LY75: variants seen among roughly 807,000 people sequenced by gnomAD.
The protein encoded by LY75 is lymphocyte antigen 75, also known as C-type lectin domain family 13 member B.
Under a neutral mutation model 231.7 loss-of-function variants are expected in LY75, and 185 were observed. The ratio of observed to expected loss-of-function variants is 0.80; its 90% CI spans 0.71 to 0.90. The LOEUF (loss-of-function observed/expected upper bound fraction) is 0.90, where lower values mean the gene tolerates loss of function less well. Ranked by LOEUF, LY75 falls within the 40% of genes least tolerant of loss-of-function variation. The pLI, the probability that LY75 is intolerant of heterozygous loss-of-function variation, is 0.00. For missense variants in LY75, 1,947 were observed against 2,050.2 expected (o/e 0.95, Z 0.97); for synonymous variants, 668 against 689.0 (o/e 0.97, Z 0.48).
Position 159,815,539 on chromosome 2 carries a change from C to T in LY75, c.4415G>A (p.Ser1472Asn). ...TTTCCATGGGATATAGTCAAATGTACTACCATCAGACCATTCAAAACTTGA... is the reference window on the plus strand; with the variant it reads ...TTTCCATGGGATATAGTCAAATGTATTACCATCAGACCATTCAAAACTTGA... ...SESSFEWSDG[S>N]TFDYIPWKGQ... Residue 1472 changes from serine to asparagine, a missense_variant, in exon 31 of 35, where the codon AGT becomes AAT. Physicochemically the swap from Ser to Asn is conservative, Grantham distance 46 (BLOSUM62 1). Coordinates refer to ENST00000263636, the MANE Select transcript of LY75 (RefSeq NM_002349.4). 1 of 1,613,716 alleles carries T rather than the reference C, an allele frequency of 6.2e-7. No individual in the cohort carries two copies. Among genetic ancestry groups the T allele is most frequent in the Non-Finnish European group, 8.5e-7 (1 of 1,179,910 alleles).
Position 159,835,524 on chromosome 2 carries a change from T to A in LY75, c.3629A>T (p.Asp1210Val), listed in dbSNP as rs189810156. The A allele has an allele frequency of 3.7e-5, 59 of 1,612,392 alleles. No individual in the cohort carries two copies. Among genetic ancestry groups the A allele is most frequent in the Non-Finnish European group, 4.7e-5 (55 of 1,179,412 alleles). The change falls in exon 26 of 35, where the codon GAT becomes GTT. Residue 1210 changes from aspartate to valine, a missense_variant. Coordinates refer to ENST00000263636, the MANE Select transcript of LY75 (RefSeq NM_002349.4). ...AGCACCTGGTTGATTGTCATTGCAA[T>A]CAACTGTTTTCCAGAATCCATCAGT... ...LDTDGFWKTV[D>V]CNDNQPGAIC...
chr2:159,842,861 T>C lies in LY75; in HGVS notation c.3151-487A>G, dbSNP rs530609153. 1.4e-3 allele frequency among the ~76,000 whole-genome samples: 209 copies of C among 152,158 alleles called. 5 individuals are homozygous for C. The highest frequency in any genetic ancestry group is 0.01 in the Middle Eastern group (3 of 290). ...AATCAATAATATTAGATATGAAAAT[T>C]TATTCCAAGTATATTATCCCTATCA... On this transcript the variant is annotated intron_variant, in intron 23 of 34. Coordinates refer to ENST00000263636, the MANE Select transcript of LY75 (RefSeq NM_002349.4).
At chr2:159,891,637 C>A (rs534765195) in intron 3 of LY75, among the ~76,000 whole-genome samples, 1 of 152,106 alleles carries the variant, frequency 6.6e-6, no homozygotes, top group East Asian at 1.9e-4. Flanking sequence ...TGTCACACCC[C>A]CAAAGCCCCA....
intron 23 of LY75, among the ~76,000 whole-genome samples, chr2:159,844,970 A>G (rs1349604675): frequency 6.6e-6 from 1 of 152,090 alleles, no homozygotes; most frequent in Non-Finnish European, 1.5e-5. Context: ...CTTGTACGTT[A>G]GAACATGCAG....
chr2:159,876,756 A>C (rs1328270149), intron 11 of LY75, among the ~76,000 whole-genome samples: 1 of 152,116 alleles, frequency 6.6e-6, no homozygotes, highest in Non-Finnish European at 1.5e-5. Context: ...CTGTAATCCC[A>C]GCACTTTCGG....
At chr2:159,811,786 G>T (rs560312816) in intron 31 of LY75, among the ~76,000 whole-genome samples, 131 of 152,128 alleles carry the variant, frequency 8.6e-4, no homozygotes, top group Non-Finnish European at 3.4e-4. Context: ...TTATTTGATT[G>T]GCTTTTGCCT....
At chr2:159,815,381 C>G in intron 31 of LY75, 24 bp downstream of exon 31, 1 of 1,571,338 alleles carries the variant, frequency 6.4e-7, no homozygotes, top group Non-Finnish European at 8.6e-7. Flanking sequence ...CATAAATGTA[C>G]TGTTACTGAA....
At chr2:159,889,539 A>T (rs1685691593) in intron 4 of LY75, among the ~76,000 whole-genome samples, 4 of 152,126 alleles carry the variant, frequency 2.6e-5, no homozygotes, top group Admixed American at 1.3e-4. Context: ...ATTCCTCTTT[A>T]ATGAATCTAT....
intron 28 of LY75, among the ~76,000 whole-genome samples, chr2:159,830,241 G>A (rs1267553829): frequency 1.3e-5 from 2 of 152,156 alleles, no homozygotes; most frequent in African/African-American, 4.8e-5. Context: ...CAAAGGAGAA[G>A]CCTATTTTTA....
chr2:159,832,121 C>A (rs1035261908), intron 27 of LY75, among the ~76,000 whole-genome samples: 4 of 152,064 alleles, frequency 2.6e-5, no homozygotes, highest in Admixed American at 6.5e-5. Context: ...GATATACTGT[C>A]AAAGATTACG....
chr2:159,874,548 C>T (rs369199030), intron 12 of LY75, among the ~76,000 whole-genome samples: 2,445 of 13,740 alleles, frequency 0.18, 709 homozygotes, highest in Middle Eastern at 0.58. Flanking sequence ...TAAATATGTA[C>T]ATATTTTGTA....
chr2:159,849,522 C>T (rs1297065542), intron 23 of LY75, among the ~76,000 whole-genome samples: 1 of 152,152 alleles, frequency 6.6e-6, no homozygotes, highest in Non-Finnish European at 1.5e-5. Flanking sequence ...ATTTACAACT[C>T]ACTACATGAT....
intron 28 of LY75, among the ~76,000 whole-genome samples, chr2:159,827,044 C>T (rs950900685): frequency 6.6e-6 from 1 of 152,276 alleles, no homozygotes; most frequent in Non-Finnish European, 1.5e-5. Flanking sequence ...AGGACATAGG[C>T]ATGGGCAAAG....
intron 20 of LY75, 82 bp from the exon 21 acceptor site, chr2:159,852,422 G>GTTT: frequency 9.8e-6 from 13 of 1,326,654 alleles, no homozygotes; most frequent in South Asian, 3.0e-5. Flanking sequence ...GTTTTTTTTT[G>GTTT]TTTTTTTTTT....
At chr2:159,904,531 G>T in intron 1 of LY75, 58 bp downstream of exon 1, 1 of 1,472,872 alleles carries the variant, frequency 6.8e-7, no homozygotes. Flanking sequence ...CTGGAAGGCA[G>T]CAGAGCTGTG....
rs756434993 is a variant in LY75 at position 159,853,697 on chromosome 2, T to G, written c.2596A>C (p.Ile866Leu). ...CACCACTTCTGTCCATCACCAGATA[T>G]CTGAAAAACAAGCCAAACATCCATC... ...LKAIKNKIAN[I>L]SGDGQKWWIR... Residue 866 changes from isoleucine to leucine, a missense_variant and splice_region_variant, in exon 19 of 35, where the codon ATA (isoleucine) becomes CTA (leucine). Coordinates refer to ENST00000263636, the MANE Select transcript of LY75 (RefSeq NM_002349.4). The G allele has an allele frequency of 6.2e-7, 1 of 1,613,494 alleles. No individual in the cohort carries two copies. Among genetic ancestry groups the G allele is most frequent in the South Asian group, 1.1e-5 (1 of 91,076 alleles).
At position 159,850,005 on chromosome 2, in the gene LY75, C is replaced by T. The variant is rs773114518; in HGVS notation, c.3125G>A (p.Ser1042Asn). The change falls in exon 23 of 35, where the codon AGT becomes AAT. Residue 1042 changes from serine to asparagine, a missense_variant. Ser to Asn is a conservative substitution (Grantham distance 46). Transcript: ENST00000263636. The part of the protein sequence containing the change: ...TYSNFHPLLV[S>N]GRLRIPENFF... ...ATTTTCTGGTATTCTCAGCCTCCCA[C>T]TAACCAATAATGGGTGAAAGTTACT... 2 of 1,613,236 alleles carry T rather than the reference C, an allele frequency of 1.2e-6. No homozygotes were observed. Among genetic ancestry groups the T allele is most frequent in the Non-Finnish European group, 1.7e-6 (2 of 1,179,722 alleles).
Position 159,849,979 on chromosome 2 carries a change from C to A in LY75, c.3150+1G>T, listed in dbSNP as rs748497165. Reference sequence around the variant, plus strand: ...GAGTATTGGTTTTTAAAAAAACTTACATTTTCTGGTATTCTCAGCCTCCCA... The same window carrying A: ...GAGTATTGGTTTTTAAAAAAACTTAAATTTTCTGGTATTCTCAGCCTCCCA... On this transcript the variant is annotated splice_donor_variant, in intron 23 of 34. Coordinates refer to ENST00000263636, the MANE Select transcript of LY75 (RefSeq NM_002349.4). LOFTEE classifies it high-confidence loss of function. 38 of 1,607,554 alleles carry A rather than the reference C, an allele frequency of 2.4e-5. No homozygotes were observed. The highest frequency in any genetic ancestry group is 3.2e-5 in the Non-Finnish European group (38 of 1,178,220).
chr2:159,842,854 T>C (rs1298897131), intron 23 of LY75, among the ~76,000 whole-genome samples: 2 of 152,028 alleles, frequency 1.3e-5, no homozygotes, highest in South Asian at 2.1e-4. Flanking sequence ...ATATTAGATA[T>C]GAAAATTTAT....
Sources: gnomAD v4.1 joint callset for allele counts (sites outside exome capture counted in the v4.1 genomes callset) on GRCh38, gnomAD v4.1.1 for gene constraint, MANE v1.5 for transcripts, NCBI Gene and HGNC (gene_info 2026-07-23, HGNC 2026-07-21) for gene names.